PKN2: variants seen among roughly 807,000 people sequenced by gnomAD.
PKN2 encodes serine/threonine-protein kinase N2.
PKN2 carries 38 observed loss-of-function variants against 119.1 expected under a neutral mutation model. That is an observed-to-expected ratio of 0.32 (90% CI 0.25 to 0.42). PKN2 has a LOEUF of 0.42. Among genes scored for constraint, PKN2 ranks in the 10% least tolerant of loss-of-function variants. PKN2 has a pLI of 1.00. For missense variants in PKN2, 850 were observed against 1,165.1 expected (o/e 0.73, Z 3.94); for synonymous variants, 390 against 384.9 (o/e 1.01, Z -0.15).
intron 17 of PKN2, among the ~76,000 whole-genome samples, chr1:88,823,842 C>T (rs555138173): frequency 6.6e-6 from 1 of 151,116 alleles, no homozygotes; most frequent in African/African-American, 2.4e-5. Flanking sequence ...AACCGCCTCT[C>T]TAATAAAAAT....
chr1:88,742,965 CGG>C (rs1197795430), intron 2 of PKN2, among the ~76,000 whole-genome samples: 2 of 152,056 alleles, frequency 1.3e-5, no homozygotes, highest in African/African-American at 4.8e-5. Flanking sequence ...CCAAGGCAGG[CGG>C]ATCACTTGAG....
At chr1:88,784,132 C>CTTTTTTTT (rs397862410) in intron 6 of PKN2, among the ~76,000 whole-genome samples, 16 of 103,950 alleles carry the variant, frequency 1.5e-4, no homozygotes, top group South Asian at 3.3e-4. Context: ...GATGCTGTTC[C>CTTTTTTTT]TTTTTTTTTT....
chr1:88,786,052 T>C, intron 7 of PKN2, 52 bp from the exon 8 acceptor site: 1 of 1,109,078 alleles, frequency 9.0e-7, no homozygotes, highest in South Asian at 1.3e-5. Flanking sequence ...AGTACTTCTG[T>C]TTTTTATAAA....
chr1:88,684,620 G>A lies in PKN2; in HGVS notation c.40G>A (p.Glu14Lys). The A allele has an allele frequency of 6.4e-7, 1 of 1,563,378 alleles. No homozygotes were observed. Among genetic ancestry groups the A allele is most frequent in the Non-Finnish European group, 8.7e-7 (1 of 1,155,284 alleles). Residue 14 changes from glutamate (E) to lysine (K), a missense_variant, in exon 1 of 22, where the codon GAA becomes AAA. Physicochemically the swap from Glu to Lys is moderately conservative, Grantham distance 56. This residue lies in a region of PKN2 where 73 missense variants were observed against 61.2 expected (regional missense o/e 1.19). Coordinates refer to ENST00000370521, the MANE Select transcript of PKN2 (RefSeq NM_006256.4). ...NPERGEILLT[E>K]LQGDSRSLPF... Reference sequence around the variant, plus strand: ...CGAACGGGGGGAGATTCTGCTCACGGAACTGCAGGTAAGGGCCGCGGCCCT... The same window carrying A: ...CGAACGGGGGGAGATTCTGCTCACGAAACTGCAGGTAAGGGCCGCGGCCCT...
Position 88,684,551 on chromosome 1 carries a change from G to C in PKN2, c.-30G>C. On this transcript the variant is annotated 5_prime_UTR_variant, in exon 1 of 22. Coordinates refer to ENST00000370521, the MANE Select transcript of PKN2 (RefSeq NM_006256.4). The stretch of plus-strand genomic sequence containing the variant: ...TTCTCCCTTCGCCAGAGGCGGCCGC[G>C]TCCAGGTGCGGAGTCCATACCGGAG... 1 of 1,525,234 alleles carries C rather than the reference G, an allele frequency of 6.6e-7. No homozygotes were observed. The highest frequency in any genetic ancestry group is 8.8e-7 in the Non-Finnish European group (1 of 1,134,708). The allele number at this position is 1,525,234 out of a possible 1,614,324, so 94.5% of individuals were successfully genotyped here. A position where few individuals can be genotyped will look rare whatever the true frequency, so the allele number is the denominator to read the frequency against.
intron 8 of PKN2, among the ~76,000 whole-genome samples, chr1:88,800,693 T>C (rs1201283890): frequency 6.6e-6 from 1 of 152,232 alleles, no homozygotes; most frequent in East Asian, 1.9e-4. Context: ...GTGCTAATTC[T>C]TTTATGATAG....
intron 1 of PKN2, among the ~76,000 whole-genome samples, chr1:88,726,798 T>C (rs1319835633): frequency 6.6e-6 from 1 of 152,006 alleles, no homozygotes; most frequent in Admixed American, 6.6e-5. Flanking sequence ...TTCATCTAAG[T>C]TATTGATTCA....
intron 1 of PKN2, among the ~76,000 whole-genome samples, chr1:88,738,131 G>A (rs79379009): frequency 0.019 from 2,947 of 151,406 alleles, 94 homozygotes; most frequent in African/African-American, 0.067. Context: ...TAATTGTAAA[G>A]GAAGAATATT....
At chr1:88,812,117 G>C (rs879491747) in intron 15 of PKN2, among the ~76,000 whole-genome samples, 1 of 152,176 alleles carries the variant, frequency 6.6e-6, no homozygotes, top group African/African-American at 2.4e-5. Flanking sequence ...TGTGGGACAA[G>C]TTGAAGATTC....
intron 1 of PKN2, among the ~76,000 whole-genome samples, chr1:88,703,143 A>G (rs1254521430): frequency 2.0e-5 from 3 of 152,108 alleles, no homozygotes. Flanking sequence ...TGTAAATGAT[A>G]CTTAATGTGC....
intron 19 of PKN2, among the ~76,000 whole-genome samples, chr1:88,832,332 T>G (rs145827192): frequency 3.6e-4 from 55 of 152,138 alleles, no homozygotes; most frequent in African/African-American, 1.3e-3. Flanking sequence ...TTCTTCAGGA[T>G]TTATCTATTA....
rs1321802669 is a variant in PKN2 at position 88,730,048 on chromosome 1, C to G, written c.49-10940C>G. On this transcript the variant is annotated intron_variant, in intron 1 of 21. Transcript: ENST00000370521. Reference sequence around the variant, plus strand: ...GGTGTGGTGGTGGGCGCCTGTAGTCCCAGCTACTCCGGAGGCTGAGGCAGG... The same window carrying G: ...GGTGTGGTGGTGGGCGCCTGTAGTCGCAGCTACTCCGGAGGCTGAGGCAGG... 3.3e-5 allele frequency among the ~76,000 whole-genome samples: 5 copies of G among 151,854 alleles called. No homozygotes were observed. In the East Asian group the frequency reaches 9.7e-4, roughly 29 times the overall value.
chr1:88,694,274 T>G (rs1255423175), intron 1 of PKN2, among the ~76,000 whole-genome samples: 1 of 152,202 alleles, frequency 6.6e-6, no homozygotes, highest in African/African-American at 2.4e-5. Flanking sequence ...TTCTACCTAT[T>G]CATCCTTCCC....
At chr1:88,752,369 C>G (rs1379093126) in intron 2 of PKN2, among the ~76,000 whole-genome samples, 1 of 152,024 alleles carries the variant, frequency 6.6e-6, no homozygotes, top group African/African-American at 2.4e-5. Flanking sequence ...ATTTAACATA[C>G]TTATTTCACA....
At chr1:88,788,173 G>A (rs1405757658) in intron 8 of PKN2, among the ~76,000 whole-genome samples, 1 of 152,112 alleles carries the variant, frequency 6.6e-6, no homozygotes, top group Non-Finnish European at 1.5e-5. Flanking sequence ...GTTCTTTTTA[G>A]AGTTGTAGGA....
intron 18 of PKN2, 142 bp downstream of exon 18, chr1:88,824,528 A>G (rs1433482755): frequency 1.8e-6 from 1 of 567,832 alleles, no homozygotes; most frequent in East Asian, 2.9e-5. Context: ...CAATGAAAAC[A>G]TTGCTTATAT....
chr1:88,786,353 C>A, intron 8 of PKN2, 140 bp downstream of exon 8: 1 of 541,642 alleles, frequency 1.8e-6, no homozygotes, highest in South Asian at 2.8e-5. Flanking sequence ...ATTTCTTATT[C>A]AATGAGTTAT....
At chr1:88,815,368 TTC>T in intron 16 of PKN2, 1 of 275,798 alleles carries the variant, frequency 3.6e-6, no homozygotes, top group Non-Finnish European at 7.0e-6. Context: ...AAAGGTAATT[TTC>T]TGAGTTCCCT....
At chr1:88,798,170 A>G in intron 8 of PKN2, among the ~76,000 whole-genome samples, 1 of 151,848 alleles carries the variant, frequency 6.6e-6, no homozygotes, top group East Asian at 1.9e-4. Flanking sequence ...AATTCTACCA[A>G]CATGAGCTTG....
Sources: gnomAD v4.1 joint callset for allele counts (sites outside exome capture counted in the v4.1 genomes callset) on GRCh38, gnomAD v4.1.1 for gene constraint, gnomAD v4.1.1 regional missense constraint, MANE v1.5 for transcripts, NCBI Gene and HGNC (gene_info 2026-07-23, HGNC 2026-07-21) for gene names.